PARP8: variants seen among roughly 807,000 people sequenced by gnomAD.
PARP8 encodes protein mono-ADP-ribosyltransferase PARP8.
In PARP8, 51 loss-of-function variants were observed where a neutral mutation model predicts 124.1. The observed-to-expected ratio is 0.41, with a 90% CI of 0.33 to 0.52. PARP8 has a LOEUF of 0.52. Ranked by LOEUF, PARP8 falls within the 20% of genes least tolerant of loss-of-function variation. The pLI, the probability that PARP8 is intolerant of heterozygous loss-of-function variation, is 0.21. For missense variants in PARP8, 860 were observed against 1,018.9 expected (o/e 0.84, Z 2.12); for synonymous variants, 391 against 361.5 (o/e 1.08, Z -0.93).
intron 14 of PARP8, among the ~76,000 whole-genome samples, chr5:50,804,918 T>C (rs1743656030): frequency 6.6e-6 from 1 of 152,186 alleles, no homozygotes; most frequent in South Asian, 2.1e-4. Flanking sequence ...GACAACAAGC[T>C]GCAGCTTTTC....
chr5:50,729,850 C>T (rs1255420057), intron 2 of PARP8, among the ~76,000 whole-genome samples: 1 of 152,168 alleles, frequency 6.6e-6, no homozygotes, highest in East Asian at 1.9e-4. Flanking sequence ...AAAAAGTATA[C>T]ATTAGGACTA....
intron 9 of PARP8, among the ~76,000 whole-genome samples, chr5:50,778,956 TC>T (rs977286127): frequency 6.6e-6 from 1 of 152,204 alleles, no homozygotes; most frequent in African/African-American, 2.4e-5. Context: ...TTTTGGGTTT[TC>T]CTTAGATATA....
At chr5:50,840,122 A>G (rs1580527033) in intron 25 of PARP8, among the ~76,000 whole-genome samples, 1 of 151,812 alleles carries the variant, frequency 6.6e-6, no homozygotes, top group Admixed American at 6.6e-5. Context: ...CCACAAAAAG[A>G]AATGTGTTTG....
rs190754821 is a variant in PARP8, at chr5:50,670,611, A to G, written c.146+2486A>G. Among the ~76,000 whole-genome samples the G allele has an allele frequency of 8.2e-3, 1,251 of 152,356 alleles. 6 individuals carry two copies. The highest frequency in any genetic ancestry group is 0.017 in the Middle Eastern group (5 of 294). ...GGTGGTCCTCAGAGTGGCAGTTAAC[A>G]TCTTGCTATTCTGCCTTGTGGACTT... On this transcript the variant is annotated intron_variant, in intron 2 of 25. Coordinates refer to ENST00000281631, the MANE Select transcript of PARP8 (RefSeq NM_024615.4).
In PARP8 at chr5:50,666,912, TCCTCCTCCC is replaced by T. The variant is rs1434116334; in HGVS notation, c.-175_-167del. ...TGCAAAGCCGACCTCCCCCTCCTCCTCCTCCTCCCCCTCCTCCTCCTCCTCTTCTCTCAC... is the reference window on the plus strand; with the variant it reads ...TGCAAAGCCGACCTCCCCCTCCTCCTCCTCCTCCTCCTCCTCTTCTCTCAC... On this transcript the variant is annotated 5_prime_UTR_variant, in exon 1 of 26. Transcript: ENST00000281631. 1.8e-5 allele frequency: 23 copies of T among 1,306,358 alleles called. No homozygotes were observed. In the Admixed American group the frequency reaches 3.2e-4, roughly 18 times the overall value. The allele number at this position is 1,306,358 out of a possible 1,614,324, so 80.9% of individuals were successfully genotyped here.
At chr5:50,763,976 T>C (rs1350146595) in intron 7 of PARP8, among the ~76,000 whole-genome samples, 1 of 152,192 alleles carries the variant, frequency 6.6e-6, no homozygotes, top group Admixed American at 6.5e-5. Context: ...ATATGTCATA[T>C]TCCCGCTTCA....
At chr5:50,798,714 G>A (rs1056575348) in intron 14 of PARP8, among the ~76,000 whole-genome samples, 1 of 152,068 alleles carries the variant, frequency 6.6e-6, no homozygotes, top group Non-Finnish European at 1.5e-5. Flanking sequence ...GAACCACCGC[G>A]CCTGGCCTGA....
chr5:50,689,714 C>T (rs1283053466), intron 2 of PARP8, among the ~76,000 whole-genome samples: 1 of 152,196 alleles, frequency 6.6e-6, no homozygotes, highest in Non-Finnish European at 1.5e-5. Flanking sequence ...AGTTTCCGAA[C>T]ACTTCGTGAG....
At chr5:50,830,133 C>T (rs1746784276) in intron 22 of PARP8, among the ~76,000 whole-genome samples, 172 bp downstream of exon 22, 1 of 152,076 alleles carries the variant, frequency 6.6e-6, no homozygotes, top group Admixed American at 6.5e-5. Context: ...ATTTATAATA[C>T]TCTCCCTAGT....
chr5:50,688,985 C>T (rs555825246), intron 2 of PARP8, among the ~76,000 whole-genome samples: 5 of 149,158 alleles, frequency 3.4e-5, no homozygotes, highest in Non-Finnish European at 5.9e-5. Context: ...AGAAAATGGG[C>T]TGGCATTTGA....
At chr5:50,835,138 C>G (rs1747423403) in intron 25 of PARP8, 123 bp downstream of exon 25, 1 of 692,958 alleles carries the variant, frequency 1.4e-6, no homozygotes, top group African/African-American at 1.8e-5. Context: ...TTAACATCAA[C>G]TAATGTTTTT....
At chr5:50,668,032 C>T in intron 1 of PARP8, 39 bp from the exon 2 acceptor site, 1 of 1,611,802 alleles carries the variant, frequency 6.2e-7, no homozygotes, top group Non-Finnish European at 8.5e-7. Context: ...AAAACAAATC[C>T]ACTCCAGGGG....
At chr5:50,786,964 C>G (rs1490371795) in intron 9 of PARP8, among the ~76,000 whole-genome samples, 6 of 152,148 alleles carry the variant, frequency 3.9e-5, no homozygotes, top group African/African-American at 1.4e-4. Context: ...AAATAAGCAT[C>G]TTAAATTTAA....
chr5:50,673,290 A>G (rs1240614312), intron 2 of PARP8, among the ~76,000 whole-genome samples: 1 of 152,062 alleles, frequency 6.6e-6, no homozygotes, highest in African/African-American at 2.4e-5. Context: ...AAACAGTTTC[A>G]TTGTTGAGTT....
rs1561388932 is a variant in PARP8 at position 50,794,219 on chromosome 5, A to G, written c.750A>G (p.Thr250=). The change falls in exon 11 of 26, where the codon ACA becomes ACG. Residue 250 remains threonine, a synonymous_variant. Transcript: ENST00000281631. ...LGHQLKKIMQ[T]FVTQQWKQSK... Reference sequence around the variant, plus strand: ...TTTGGATTGACAGAATCATGCAGACATTTGTTACACAGCAGTGGAAACAGA... The same window carrying G: ...TTTGGATTGACAGAATCATGCAGACGTTTGTTACACAGCAGTGGAAACAGA... 1.2e-6 allele frequency: 2 copies of G among 1,612,144 alleles called. No individual in the cohort carries two copies. The highest frequency in any genetic ancestry group is 8.5e-7 in the Non-Finnish European group (1 of 1,178,890).
chr5:50,715,850 A>G (rs370182877), intron 2 of PARP8, among the ~76,000 whole-genome samples: 5 of 152,208 alleles, frequency 3.3e-5, no homozygotes, highest in African/African-American at 1.2e-4. Flanking sequence ...CAAGAATAAT[A>G]TAACCTTTTT....
intron 7 of PARP8, among the ~76,000 whole-genome samples, chr5:50,777,798 C>T (rs916813703): frequency 2.2e-4 from 33 of 152,168 alleles, no homozygotes; most frequent in Non-Finnish European, 2.9e-4. Context: ...CCACAGAAAA[C>T]GGAATATTTA....
intron 14 of PARP8, among the ~76,000 whole-genome samples, chr5:50,807,221 C>T (rs541726245): frequency 1.3e-5 from 2 of 152,076 alleles, no homozygotes; most frequent in Non-Finnish European, 2.9e-5. Context: ...GCATGTCGCA[C>T]TCTCTGCAAT....
intron 14 of PARP8, among the ~76,000 whole-genome samples, chr5:50,805,892 A>G (rs1344484171): frequency 6.6e-6 from 1 of 151,976 alleles, no homozygotes; most frequent in Non-Finnish European, 1.5e-5. Context: ...TGTCATTTCC[A>G]TTTGTTACAG....
Sources: gnomAD v4.1 joint callset for allele counts (sites outside exome capture counted in the v4.1 genomes callset) on GRCh38, gnomAD v4.1.1 for gene constraint, MANE v1.5 for transcripts, NCBI Gene and HGNC (gene_info 2026-07-23, HGNC 2026-07-21) for gene names.